DIP2C: variants seen among roughly 807,000 people sequenced by gnomAD.
DIP2C encodes disco-interacting protein 2 homolog C.
In DIP2C, 33 loss-of-function variants were observed where a neutral mutation model predicts 192.4. The observed-to-expected ratio is 0.17, with a 90% CI of 0.13 to 0.23. DIP2C has a LOEUF of 0.23. Among genes scored for constraint, DIP2C ranks in the 10% least tolerant of loss-of-function variants. The pLI is 1.00. For missense variants in DIP2C, 1,537 were observed against 2,110.1 expected, an observed-to-expected ratio of 0.73 and a Z score of 5.32; for synonymous variants, 979 against 864.1, an observed-to-expected ratio of 1.13 and a Z score of -2.33.
intron 1 of DIP2C, among the ~76,000 whole-genome samples, chr10:632,060 A>G (rs7077311): frequency 0.081 from 12,272 of 152,302 alleles, 851 homozygotes; most frequent in African/African-American, 0.18. Flanking sequence ...GAAGAGATAA[A>G]AGCACGATTA....
chr10:472,326 C>T (rs1301515850), intron 3 of DIP2C, 113 bp downstream of exon 3: 13 of 896,034 alleles, frequency 1.5e-5, no homozygotes, highest in Middle Eastern at 3.4e-4. Context: ...AGGCCCCTCG[C>T]GTGCTGCAGG....
intron 1 of DIP2C, among the ~76,000 whole-genome samples, chr10:507,647 T>C (rs1407813558): frequency 1.3e-5 from 2 of 152,246 alleles, no homozygotes; most frequent in South Asian, 2.1e-4. Flanking sequence ...TTGAAATCTT[T>C]AGATATTTCC....
chr10:346,639 A>T, intron 26 of DIP2C, among the ~76,000 whole-genome samples: 1 of 127,214 alleles, frequency 7.9e-6, no homozygotes, highest in Non-Finnish European at 1.6e-5. Flanking sequence ...CCCCACACTC[A>T]CCCAACCCAG....
chr10:661,228 T>G (rs778635538), intron 1 of DIP2C, among the ~76,000 whole-genome samples: 10 of 152,120 alleles, frequency 6.6e-5, no homozygotes, highest in Non-Finnish European at 1.5e-4. Flanking sequence ...CAACAACCAG[T>G]CCCTGAACAG....
intron 1 of DIP2C, among the ~76,000 whole-genome samples, chr10:507,905 A>C (rs1288048660): frequency 1.3e-5 from 2 of 152,166 alleles, no homozygotes; most frequent in African/African-American, 4.8e-5. Flanking sequence ...CAAGTTTTAA[A>C]AGACAGGAGA....
At chr10:478,680 A>C (rs1220865866) in intron 2 of DIP2C, among the ~76,000 whole-genome samples, 2 of 150,612 alleles carry the variant, frequency 1.3e-5, no homozygotes, top group East Asian at 3.9e-4. Flanking sequence ...AGACACATCC[A>C]AGTTCCCGTC....
At chr10:669,935 T>C (rs1023751225) in intron 1 of DIP2C, among the ~76,000 whole-genome samples, 4 of 152,246 alleles carry the variant, frequency 2.6e-5, no homozygotes, top group African/African-American at 9.6e-5. Flanking sequence ...ACAATTTCCA[T>C]TGTTTTTAGG....
intron 17 of DIP2C, among the ~76,000 whole-genome samples, chr10:379,038 T>C (rs1962035452): frequency 6.6e-6 from 1 of 152,342 alleles, no homozygotes; most frequent in South Asian, 2.1e-4. Context: ...CTGGCCTTTC[T>C]GTGAGGGGAG....
intron 4 of DIP2C, among the ~76,000 whole-genome samples, chr10:437,012 C>T (rs1286722962): frequency 7.1e-6 from 1 of 140,066 alleles, no homozygotes; most frequent in Non-Finnish European, 1.5e-5. Flanking sequence ...GCTCCACCCA[C>T]ACCTGAGCTC....
chr10:391,676 A>C (rs1963465876), intron 10 of DIP2C, among the ~76,000 whole-genome samples: 1 of 152,236 alleles, frequency 6.6e-6, no homozygotes, highest in Non-Finnish European at 1.5e-5. Context: ...CAAAACAGCC[A>C]GGGTTCCAGG....
intron 2 of DIP2C, among the ~76,000 whole-genome samples, chr10:485,158 C>T (rs771519385): frequency 2.9e-4 from 44 of 152,200 alleles, no homozygotes; most frequent in Non-Finnish European, 6.0e-4. Flanking sequence ...AGCGAGGAAC[C>T]GCTTCTGTTT....
intron 19 of DIP2C, 122 bp downstream of exon 19, chr10:366,153 T>C (rs1960171688): frequency 1.3e-5 from 18 of 1,381,648 alleles, no homozygotes; most frequent in Non-Finnish European, 1.8e-5. Context: ...TCGTTTTCAT[T>C]CATATAAACA....
chr10:530,671 AAAAG>A (rs1458737828), intron 1 of DIP2C, among the ~76,000 whole-genome samples: 1 of 151,674 alleles, frequency 6.6e-6, no homozygotes, highest in Non-Finnish European at 1.5e-5. Context: ...AAAAAAAAAA[AAAAG>A]ACTGTTACTA....
chr10:624,467 C>T (rs1854072601), intron 1 of DIP2C, among the ~76,000 whole-genome samples: 1 of 152,184 alleles, frequency 6.6e-6, no homozygotes, highest in African/African-American at 2.4e-5. Context: ...TTTTGTGCCT[C>T]ACTCAAGAGG....
intron 10 of DIP2C, among the ~76,000 whole-genome samples, chr10:396,730 C>T (rs1353152586): frequency 6.6e-6 from 1 of 151,700 alleles, no homozygotes; most frequent in African/African-American, 2.4e-5. Flanking sequence ...CTTTTCTCAC[C>T]TGTTGTGAAG....
At chr10:321,013 T>TGAAACA (rs1564550237) in intron 31 of DIP2C, among the ~76,000 whole-genome samples, 1 of 151,230 alleles carries the variant, frequency 6.6e-6, no homozygotes, top group African/African-American at 2.4e-5. Context: ...GTCCGGGTTA[T>TGAAACA]GAAGCAGGAA....
rs547941028 is a variant in DIP2C, at chr10:276,363, G to A, written c.*962C>T. The A allele has an allele frequency of 6.6e-6, 1 of 152,656 alleles. No individual in the cohort carries two copies. Among genetic ancestry groups the A allele is most frequent in the Admixed American group, 6.5e-5 (1 of 15,292 alleles). The allele number at this position is 152,656 out of a possible 1,614,324, so 9.5% of individuals were successfully genotyped here. A position where few individuals can be genotyped will look rare whatever the true frequency, so the allele number is the denominator to read the frequency against. On this transcript the variant is annotated 3_prime_UTR_variant, in exon 37 of 37. Coordinates refer to ENST00000280886, the MANE Select transcript of DIP2C (RefSeq NM_014974.3). ...CGGTCTGCGACTGCTGGCAACAGCA[G>A]AGTGTATGTGAGTACGGGGGGCACA...
chr10:451,693 T>C (rs1164816472), intron 3 of DIP2C, among the ~76,000 whole-genome samples: 3 of 152,154 alleles, frequency 2.0e-5, no homozygotes, highest in Admixed American at 6.6e-5. Context: ...CTCTTCAACA[T>C]TTGCGAAGTT....
At chr10:594,788 G>A (rs1310553697) in intron 1 of DIP2C, among the ~76,000 whole-genome samples, 1 of 152,140 alleles carries the variant, frequency 6.6e-6, no homozygotes, top group Non-Finnish European at 1.5e-5. Context: ...CGCAAACCAG[G>A]GCGGAATCTC....
Sources: gnomAD v4.1 joint callset for allele counts (sites outside exome capture counted in the v4.1 genomes callset) on GRCh38, gnomAD v4.1.1 for gene constraint, MANE v1.5 for transcripts, NCBI Gene and HGNC (gene_info 2026-07-23, HGNC 2026-07-21) for gene names.